Variants in CFAP61 observed in about 807,000 individuals in gnomAD.
CFAP61 encodes cilia and flagella associated protein 61.
In CFAP61, 107 loss-of-function variants were observed where a neutral mutation model predicts 135.6. The ratio of observed to expected loss-of-function variants is 0.79; its 90% CI spans 0.67 to 0.93. The LOEUF is 0.93. Among genes scored for constraint, CFAP61 ranks in the 40% least tolerant of loss-of-function variants. The pLI is 0.00. For missense variants in CFAP61, 1,507 were observed against 1,556.2 expected (o/e 0.97, Z 0.53); for synonymous variants, 575 against 578.5 (o/e 0.99, Z 0.09).
intron 24 of CFAP61, among the ~76,000 whole-genome samples, chr20:20,293,048 A>G (rs2055115958): frequency 1.3e-5 from 2 of 152,234 alleles, no homozygotes; most frequent in Non-Finnish European, 2.9e-5. Context: ...GGCATGAGGT[A>G]AATAGGATAA....
At chr20:20,081,514 G>A (rs2046432035) in intron 6 of CFAP61, among the ~76,000 whole-genome samples, 1 of 152,012 alleles carries the variant, frequency 6.6e-6, no homozygotes, top group Admixed American at 6.6e-5. Flanking sequence ...TAATTTACTC[G>A]CTAATAGCCT....
At chr20:20,110,459 CAT>C (rs2048723906) in intron 8 of CFAP61, among the ~76,000 whole-genome samples, 1 of 152,056 alleles carries the variant, frequency 6.6e-6, no homozygotes, top group African/African-American at 2.4e-5. Context: ...GAGACAGCAA[CAT>C]AGATTAGAAT....
chr20:20,142,598 A>G (rs1195755149), intron 8 of CFAP61, among the ~76,000 whole-genome samples: 2 of 151,774 alleles, frequency 1.3e-5, no homozygotes, highest in Non-Finnish European at 2.9e-5. Context: ...CATCTCCACA[A>G]CTCCCCTGGG....
At chr20:20,107,075 A>G (rs2048462187) in intron 8 of CFAP61, among the ~76,000 whole-genome samples, 2 of 152,186 alleles carry the variant, frequency 1.3e-5, no homozygotes, top group African/African-American at 4.8e-5. Flanking sequence ...TTCCCCCTTG[A>G]TTAAATTGGC....
At chr20:20,342,283 A>G (rs960219081) in intron 26 of CFAP61, among the ~76,000 whole-genome samples, 1 of 152,142 alleles carries the variant, frequency 6.6e-6, no homozygotes, top group Admixed American at 6.5e-5. Context: ...TTTGCGGAAC[A>G]TATGTGTGTG....
chr20:20,150,809 A>G (rs1187298343), intron 9 of CFAP61, among the ~76,000 whole-genome samples: 4 of 152,160 alleles, frequency 2.6e-5, no homozygotes, highest in South Asian at 4.2e-4. Flanking sequence ...AGAAATAACA[A>G]TCACTGCAAT....
chr20:20,203,965 T>C (rs75219333), intron 17 of CFAP61, among the ~76,000 whole-genome samples: 6,219 of 152,268 alleles, frequency 0.041, 164 homozygotes, highest in Middle Eastern at 0.11. Flanking sequence ...AAAAAGGCAC[T>C]GCTTCCTTTC....
At chr20:20,279,821 A>C (rs1478936136) in intron 22 of CFAP61, among the ~76,000 whole-genome samples, 1 of 152,048 alleles carries the variant, frequency 6.6e-6, no homozygotes, top group African/African-American at 2.4e-5. Flanking sequence ...TGCAGATGAC[A>C]TTTCCCAGGT....
chr20:20,313,415 C>G (rs2056939803), intron 25 of CFAP61, among the ~76,000 whole-genome samples: 1 of 152,192 alleles, frequency 6.6e-6, no homozygotes, highest in African/African-American at 2.4e-5. Flanking sequence ...AAGTTTGTTG[C>G]TTCTTTATAT....
chr20:20,102,878 T>G (rs1257712340), intron 8 of CFAP61, among the ~76,000 whole-genome samples: 1 of 152,178 alleles, frequency 6.6e-6, no homozygotes. Flanking sequence ...AGCAGAATAA[T>G]GTCAAGACTC....
At chr20:20,183,074 T>G (rs976704018) in intron 13 of CFAP61, among the ~76,000 whole-genome samples, 3 of 152,188 alleles carry the variant, frequency 2.0e-5, no homozygotes, top group Non-Finnish European at 4.4e-5. Flanking sequence ...ATAGTATATA[T>G]AGAGCCACCT....
chr20:20,344,427 A>G (rs1251561985), intron 26 of CFAP61, among the ~76,000 whole-genome samples: 2 of 152,226 alleles, frequency 1.3e-5, no homozygotes, highest in Non-Finnish European at 2.9e-5. Flanking sequence ...AATAGCCTGC[A>G]CTAAAGAATA....
intron 21 of CFAP61, among the ~76,000 whole-genome samples, chr20:20,264,895 A>C (rs2052579045): frequency 6.6e-6 from 1 of 152,124 alleles, no homozygotes; most frequent in Non-Finnish European, 1.5e-5. Context: ...TTATCTTAAA[A>C]ATTTTTTTTC....
intron 17 of CFAP61, chr20:20,225,269 GA>G (rs562704661): frequency 1.3e-5 from 2 of 152,102 alleles, no homozygotes; most frequent in African/African-American, 2.4e-5. Flanking sequence ...ACTAATAAAA[GA>G]AAAACACGAT....
chr20:20,298,244 T>C lies in CFAP61; in HGVS notation c.3280T>C (p.Tyr1094His). 6.2e-7 allele frequency: 1 copy of C among 1,614,000 alleles called. No individual in the cohort carries two copies. Among genetic ancestry groups the C allele is most frequent in the Non-Finnish European group, 8.5e-7 (1 of 1,179,952 alleles). Reference sequence around the variant, plus strand: ...TTACTTCCGAATTCATATTAACAAGTATAAAATGGTGGAAACCATCACGTG... The same window carrying C: ...TTACTTCCGAATTCATATTAACAAGCATAAAATGGTGGAAACCATCACGTG... The part of the protein sequence containing the change: ...GTYFRIHINK[Y>H]KMVETITCLS... The change falls in exon 25 of 27, where the codon TAT (tyrosine) becomes CAT (histidine). Residue 1094 changes from tyrosine to histidine, a missense_variant. Transcript: ENST00000245957.
At chr20:20,195,965 C>T (rs901163638) in intron 15 of CFAP61, among the ~76,000 whole-genome samples, 1 of 152,056 alleles carries the variant, frequency 6.6e-6, no homozygotes, top group Admixed American at 6.6e-5. Context: ...CCTGAAATCC[C>T]AGCTACTTGG....
At chr20:20,054,012 T>TG (rs1491401237) in intron 1 of CFAP61, among the ~76,000 whole-genome samples, 90 of 147,516 alleles carry the variant, frequency 6.1e-4, no homozygotes, top group East Asian at 2.6e-3. Flanking sequence ...TTTTTTTGTT[T>TG]GTTTTTTTTT....
chr20:20,155,612 A>T (rs983566887), intron 9 of CFAP61, among the ~76,000 whole-genome samples: 1 of 152,214 alleles, frequency 6.6e-6, no homozygotes, highest in Non-Finnish European at 1.5e-5. Context: ...GGCAAAGGAC[A>T]TGAATAGAGA....
intron 8 of CFAP61, among the ~76,000 whole-genome samples, chr20:20,112,142 A>ATAAAAGTTG (rs2048843748): frequency 6.6e-6 from 1 of 152,186 alleles, no homozygotes; most frequent in Non-Finnish European, 1.5e-5. Flanking sequence ...ATGAGAGTTC[A>ATAAAAGTTG]CTATAAAAAT....
Sources: gnomAD v4.1 joint callset for allele counts (sites outside exome capture counted in the v4.1 genomes callset) on GRCh38, gnomAD v4.1.1 for gene constraint, MANE v1.5 for transcripts, NCBI Gene and HGNC (gene_info 2026-07-23, HGNC 2026-07-21) for gene names.